ARHGEF9: variants seen among roughly 807,000 people sequenced by gnomAD.
ARHGEF9 encodes Cdc42 guanine nucleotide exchange factor 9, also known as rho guanine nucleotide exchange factor 9.
A neutral mutation model predicts 41.3 loss-of-function variants in ARHGEF9; 2 were observed. The observed-to-expected ratio is 0.05, with a 90% confidence interval of 0.02 to 0.15. The LOEUF is 0.15. Ranked by LOEUF, ARHGEF9 falls within the 10% of genes least tolerant of loss-of-function variation. The pLI is 1.00. For synonymous variants in ARHGEF9, 160 were observed against 154.4 expected (o/e 1.04, Z -0.27); for missense variants, 225 against 424.7 (o/e 0.53, Z 4.13).
intron 1 of ARHGEF9, among the ~76,000 whole-genome samples, chrX:63,777,330 C>T (rs2056309976): frequency 1.8e-5 from 2 of 111,250 alleles, no homozygotes; most frequent in Admixed American, 9.5e-5. Context: ...GGGTAACTGC[C>T]CGCATGACTC....
At chrX:63,714,371 C>G (rs1450454799) in intron 2 of ARHGEF9, among the ~76,000 whole-genome samples, 5 of 112,565 alleles carry the variant, frequency 4.4e-5, no homozygotes, top group Admixed American at 9.4e-5. Flanking sequence ...CAAAACAGCC[C>G]TGCAAGGCAG....
At chrX:63,732,496 C>A (rs1396554738) in intron 1 of ARHGEF9, among the ~76,000 whole-genome samples, 1 of 111,562 alleles carries the variant, frequency 9.0e-6, no homozygotes. Context: ...TGTCTCCCAA[C>A]CGGCTTCCTT....
intron 2 of ARHGEF9, among the ~76,000 whole-genome samples, chrX:63,707,146 G>A (rs1240825663): frequency 1.8e-5 from 2 of 111,451 alleles, no homozygotes; most frequent in African/African-American, 6.5e-5. Context: ...CGCACAGGAA[G>A]CAGAGGAGCT....
Position 63,763,580 on chromosome X carries a change from G to A in ARHGEF9, c.30+21536C>T, listed in dbSNP as rs190671470. Among the ~76,000 whole-genome samples the A allele has an allele frequency of 9.2e-4, 100 of 108,499 alleles. 1 individual carries two copies. The highest frequency in any genetic ancestry group is 1.6e-3 in the Non-Finnish European group (82 of 52,454). 94.2% of individuals were successfully genotyped at this position (108,499 alleles called of 115,157 possible). Reference sequence around the variant, plus strand: ...ACCAGCCTACTGAGATCCAACCTTAGTTCTTCCAGTTGCTAGTTGTGAGAA... The same window carrying A: ...ACCAGCCTACTGAGATCCAACCTTAATTCTTCCAGTTGCTAGTTGTGAGAA... On this transcript the variant is annotated intron_variant, in intron 1 of 9. Transcript: ENST00000671741.
intron 8 of ARHGEF9, 80 bp downstream of exon 8, chrX:63,655,414 A>T: frequency 5.9e-6 from 7 of 1,186,835 alleles, no homozygotes; most frequent in Non-Finnish European, 8.0e-6. Flanking sequence ...CTTCCCTCTG[A>T]CTCCAAGAAA....
chrX:63,640,586 T>A (rs782044458), intron 9 of ARHGEF9: 2 of 112,097 alleles, frequency 1.8e-5, no homozygotes, highest in Non-Finnish European at 3.8e-5. Context: ...AGAAGTTATA[T>A]ATCAATACTT....
At chrX:63,713,431 T>C (rs2053078394) in intron 2 of ARHGEF9, among the ~76,000 whole-genome samples, 1 of 109,773 alleles carries the variant, frequency 9.1e-6, no homozygotes, top group Non-Finnish European at 1.9e-5. Context: ...AGGCAGCCCT[T>C]TCCTTTTTCA....
At chrX:63,731,978 G>T (rs1258190937) in intron 1 of ARHGEF9, 2 of 111,846 alleles carry the variant, frequency 1.8e-5, no homozygotes, top group African/African-American at 6.5e-5. Context: ...GGACGGGGAT[G>T]TCATTATTGC....
chrX:63,747,344 G>C (rs1356726460), intron 1 of ARHGEF9, among the ~76,000 whole-genome samples: 1 of 111,573 alleles, frequency 9.0e-6, no homozygotes, highest in Non-Finnish European at 1.9e-5. Flanking sequence ...TCTCACAGCT[G>C]ATTATTTTAA....
Position 63,635,041 on chromosome X carries a change from T to G in ARHGEF9, c.*2987A>C, listed in dbSNP as rs782759844. 2 of 276,545 alleles carry G rather than the reference T, an allele frequency of 7.2e-6. No individual in the cohort carries two copies. Among genetic ancestry groups the G allele is most frequent in the East Asian group, 7.7e-5 (1 of 12,951 alleles). 22.8% of individuals were successfully genotyped at this position (276,545 alleles called of 1,213,427 possible). A position where few individuals can be genotyped will look rare whatever the true frequency, so the allele number is the denominator to read the frequency against. ...TGTGTCATTACAACATTTTTTTTGTTAAACATTTTTTAACACACAACTTTG... is the reference window on the plus strand; with the variant it reads ...TGTGTCATTACAACATTTTTTTTGTGAAACATTTTTTAACACACAACTTTG... On this transcript the variant is annotated 3_prime_UTR_variant, in exon 10 of 10. Transcript: ENST00000671741.
At chrX:63,672,467 G>A (rs1477522985) in intron 6 of ARHGEF9, among the ~76,000 whole-genome samples, 6 of 110,857 alleles carry the variant, frequency 5.4e-5, no homozygotes, top group African/African-American at 2.0e-4. Flanking sequence ...GTGTTTTTGT[G>A]GCCCCATTCA....
intron 1 of ARHGEF9, among the ~76,000 whole-genome samples, chrX:63,753,801 A>C (rs1891041455): frequency 8.9e-6 from 1 of 111,929 alleles, no homozygotes; most frequent in Non-Finnish European, 1.9e-5. Flanking sequence ...GAGCAAATTG[A>C]GATTCAAAGG....
intron 1 of ARHGEF9, among the ~76,000 whole-genome samples, chrX:63,758,044 T>C (rs2055965625): frequency 9.0e-6 from 1 of 111,150 alleles, no homozygotes; most frequent in Admixed American, 9.6e-5. Flanking sequence ...ATGGTGAAAG[T>C]GTTGGGGTTT....
chrX:63,719,177 A>G (rs1355403429), intron 2 of ARHGEF9, among the ~76,000 whole-genome samples: 1 of 111,816 alleles, frequency 8.9e-6, no homozygotes, highest in East Asian at 2.8e-4. Flanking sequence ...ATGTCAGCCT[A>G]AACTCACAAC....
chrX:63,740,240 G>C (rs2054871029), intron 1 of ARHGEF9, among the ~76,000 whole-genome samples: 2 of 111,971 alleles, frequency 1.8e-5, no homozygotes, highest in Non-Finnish European at 3.8e-5. Flanking sequence ...GACTGACCTG[G>C]CATTGAAAAG....
chrX:63,704,771 G>C (rs1467594256), intron 3 of ARHGEF9, among the ~76,000 whole-genome samples: 1 of 112,147 alleles, frequency 8.9e-6, no homozygotes, highest in Non-Finnish European at 1.9e-5. Context: ...AAGCCCACAG[G>C]GTTAATTAAT....
intron 1 of ARHGEF9, among the ~76,000 whole-genome samples, chrX:63,733,716 A>T (rs1556421321): frequency 8.9e-6 from 1 of 112,124 alleles, no homozygotes; most frequent in Non-Finnish European, 1.9e-5. Flanking sequence ...TATACTATCC[A>T]GTTTTCACTT....
intron 1 of ARHGEF9, chrX:63,755,112 T>C: frequency 1.1e-6 from 1 of 938,364 alleles, no homozygotes; most frequent in Non-Finnish European, 1.3e-6. Context: ...CTATCCCTCT[T>C]CTCTCCCCAT....
chrX:63,724,498 G>A (rs1346787334), intron 2 of ARHGEF9, 34 bp downstream of exon 2: 11 of 1,199,699 alleles, frequency 9.2e-6, no homozygotes, highest in Middle Eastern at 4.7e-4. Flanking sequence ...GGCAGCCAAG[G>A]AAATAGGAGA....
Sources: gnomAD v4.1 joint callset for allele counts (sites outside exome capture counted in the v4.1 genomes callset) on GRCh38, gnomAD v4.1.1 for gene constraint, MANE v1.5 for transcripts, NCBI Gene and HGNC (gene_info 2026-07-23, HGNC 2026-07-21) for gene names.